The following ALDH9A1 variants were observed in gnomAD, a reference collection of about 807,000 sequenced individuals.
ALDH9A1 encodes the protein aldehyde dehydrogenase 9 family member A1.
In ALDH9A1, 42 loss-of-function variants were observed where a neutral mutation model predicts 56.6. The observed-to-expected ratio is 0.74, with a 90% CI of 0.58 to 0.96. The LOEUF is 0.96. Ranked by LOEUF, ALDH9A1 falls within the 40% of genes least tolerant of loss-of-function variation. ALDH9A1 has a pLI of 0.00. For synonymous variants in ALDH9A1, 242 were observed against 236.0 expected (o/e 1.03, Z -0.23); for missense variants, 661 against 651.5 (o/e 1.01, Z -0.16).
chr1:165,667,506 A>G, intron 8 of ALDH9A1, 56 bp from the exon 9 acceptor site: 1 of 1,582,134 alleles, frequency 6.3e-7, no homozygotes, highest in Non-Finnish European at 8.6e-7. Flanking sequence ...GTGCACCACC[A>G]CCCCCAGCTA....
rs572228228 is a variant in ALDH9A1, at chr1:165,693,292, G to C, written c.327+1960C>G. ...AGTGAACAGGCAACCTACAGAATGG[G>C]AGAAAATTTTTGTAATCTACCCATC... On this transcript the variant is annotated intron_variant, in intron 2 of 10. Coordinates refer to ENST00000354775, the MANE Select transcript of ALDH9A1 (RefSeq NM_000696.4). 1.4e-3 allele frequency among the ~76,000 whole-genome samples: 219 copies of C among 152,200 alleles called. 1 individual carries two copies. Among genetic ancestry groups the C allele is most frequent in the Non-Finnish European group, 8.7e-4 (59 of 67,994 alleles).
chr1:165,670,428 CT>C (rs79110777), intron 6 of ALDH9A1, among the ~76,000 whole-genome samples: 59,266 of 147,760 alleles, frequency 0.4, 11,772 homozygotes, highest in Middle Eastern at 0.5. Flanking sequence ...GAGAGCGAGA[CT>C]TTTTTTTTTT....
intron 2 of ALDH9A1, among the ~76,000 whole-genome samples, chr1:165,694,361 G>A (rs907775637): frequency 6.6e-6 from 1 of 152,086 alleles, no homozygotes; most frequent in Non-Finnish European, 1.5e-5. Context: ...TTAGGCCAGC[G>A]TGGTAACTAC....
rs941132769 is a variant in ALDH9A1 at position 165,680,834 on chromosome 1, G to A, written c.593-151C>T. 1.0e-4 allele frequency: 79 copies of A among 783,766 alleles called. 1 individual carries two copies. The highest frequency in any genetic ancestry group is 1.0e-4 in the Non-Finnish European group (50 of 502,356). The allele number at this position is 783,766 out of a possible 1,614,324, so 48.6% of individuals were successfully genotyped here. On this transcript the variant is annotated intron_variant, in intron 4 of 10. Coordinates refer to ENST00000354775, the MANE Select transcript of ALDH9A1 (RefSeq NM_000696.4). ...AAAAATGTTATTAATAACCATATTA[G>A]TTTGTTTTCATGCTGCTGATAAAGA...
rs1321371155 is a variant in ALDH9A1, at chr1:165,680,494, C to T, written c.782G>A (p.Gly261Asp). Residue 261 changes from glycine (G) to aspartate (D), a missense_variant, in exon 5 of 11, where the codon GGC becomes GAC. Transcript: ENST00000354775. ...TACTGGTTTTGTCCTCACCTTCATGCCAGTGGGCACACTTCCAGTGAAGGA... is the reference window on the plus strand; with the variant it reads ...TACTGGTTTTGTCCTCACCTTCATGTCAGTGGGCACACTTCCAGTGAAGGA... The part of the protein sequence containing the change: ...KVSFTGSVPT[G>D]MKIMEMSAKG... 1.2e-6 allele frequency: 2 copies of T among 1,613,974 alleles called. No individual in the cohort carries two copies. The highest frequency in any genetic ancestry group is 4.5e-5 in the East Asian group (2 of 44,876).
chr1:165,697,821 G>C (rs1384554082), intron 1 of ALDH9A1, among the ~76,000 whole-genome samples: 2 of 151,836 alleles, frequency 1.3e-5, no homozygotes, highest in African/African-American at 4.8e-5. Flanking sequence ...CTAAGCTCAG[G>C]AGTTCGAGAC....
intron 2 of ALDH9A1, among the ~76,000 whole-genome samples, chr1:165,687,312 A>G (rs1649742004): frequency 6.6e-6 from 1 of 151,988 alleles, no homozygotes; most frequent in African/African-American, 2.4e-5. Context: ...AAAACTAAAG[A>G]AATCATGGCC....
At chr1:165,669,478 T>C in intron 6 of ALDH9A1, 28 bp from the exon 7 acceptor site, 2 of 1,572,676 alleles carry the variant, frequency 1.3e-6, no homozygotes, top group Non-Finnish European at 1.7e-6. Flanking sequence ...GACATCAATT[T>C]CTATGTGTGT....
At position 165,683,768 on chromosome 1, in the gene ALDH9A1, T is replaced by C. The variant is rs566480734; in HGVS notation, c.328-658A>G. Among the ~76,000 whole-genome samples, 5 of 152,310 alleles carry C rather than the reference T, an allele frequency of 3.3e-5. No homozygotes were observed. The South Asian group carries it at 1.0e-3, about 32-fold the overall frequency. ...TCTAGTTCTGGGCTCCACAACTTAC[T>C]AAGGATAAAGAAATTCAATAGATGG... On this transcript the variant is annotated intron_variant, in intron 2 of 10. Transcript: ENST00000354775.
intron 9 of ALDH9A1, among the ~76,000 whole-genome samples, chr1:165,666,269 C>T (rs1649004144): frequency 6.6e-6 from 1 of 152,188 alleles, no homozygotes; most frequent in South Asian, 2.1e-4. Flanking sequence ...TGAAGAGCAA[C>T]AGTTAATGGG....
At chr1:165,673,856 A>G (rs1019894405) in intron 6 of ALDH9A1, among the ~76,000 whole-genome samples, 3 of 152,124 alleles carry the variant, frequency 2.0e-5, no homozygotes, top group Non-Finnish European at 4.4e-5. Flanking sequence ...CTTCATCTTA[A>G]GTAGGGGCTG....
intron 6 of ALDH9A1, among the ~76,000 whole-genome samples, chr1:165,677,069 A>C (rs922335453): frequency 4.6e-5 from 7 of 152,118 alleles, no homozygotes; most frequent in African/African-American, 1.2e-4. Flanking sequence ...CATAAAAAAA[A>C]GTTTACAAAA....
intron 6 of ALDH9A1, chr1:165,671,651 G>T: frequency 4.1e-6 from 2 of 488,832 alleles, no homozygotes; most frequent in Non-Finnish European, 4.0e-6. Context: ...TCACTGTTTG[G>T]CTCGATATTA....
chr1:165,696,036 G>T (rs778436196), intron 1 of ALDH9A1, among the ~76,000 whole-genome samples: 2 of 152,018 alleles, frequency 1.3e-5, no homozygotes, highest in African/African-American at 4.8e-5. Flanking sequence ...ATTTTTAGTA[G>T]AGACGGGATT....
rs1343036651 is a variant in ALDH9A1 at position 165,668,982 on chromosome 1, T to C, written c.1151A>G (p.Tyr384Cys). The change falls in exon 8 of 11, where the codon TAT (tyrosine) becomes TGT (cysteine). Residue 384 changes from tyrosine to cysteine, a missense_variant. Coordinates refer to ENST00000354775, the MANE Select transcript of ALDH9A1 (RefSeq NM_000696.4). The part of the protein sequence containing the change: ...GAKVLCGGDI[Y>C]VPEDPKLKDG... ...CTTTAATTTGGGATCTTCAGGTACATATATATCTCCACCACATAACACTTT... is the reference window on the plus strand; with the variant it reads ...CTTTAATTTGGGATCTTCAGGTACACATATATCTCCACCACATAACACTTT... 2 of 1,612,142 alleles carry C rather than the reference T, an allele frequency of 1.2e-6. No individual in the cohort carries two copies. Among genetic ancestry groups the C allele is most frequent in the South Asian group, 1.1e-5 (1 of 90,896 alleles).
chr1:165,691,278 C>A (rs909127570), intron 2 of ALDH9A1, among the ~76,000 whole-genome samples: 3 of 152,188 alleles, frequency 2.0e-5, no homozygotes, highest in African/African-American at 7.2e-5. Flanking sequence ...CAAACTCCAA[C>A]AGACCTGCAG....
rs143108035 is a variant in ALDH9A1 at position 165,695,197 on chromosome 1, C to T, written c.327+55G>A. On this transcript the variant is annotated intron_variant, in intron 2 of 10. Coordinates refer to ENST00000354775, the MANE Select transcript of ALDH9A1 (RefSeq NM_000696.4). Reference sequence around the variant, plus strand: ...CAACAAAGTCGAACTGCAAACATCACAAAGAAACCTCAGAGCAATGTCTGA... The same window carrying T: ...CAACAAAGTCGAACTGCAAACATCATAAAGAAACCTCAGAGCAATGTCTGA... 2.0e-6 allele frequency: 3 copies of T among 1,519,084 alleles called. No individual in the cohort carries two copies. The Admixed American group carries it at 7.0e-5, about 35-fold the overall frequency. The allele number at this position is 1,519,084 out of a possible 1,614,324, so 94.1% of individuals were successfully genotyped here.
intron 10 of ALDH9A1, among the ~76,000 whole-genome samples, chr1:165,663,927 TCATTCCACATAG>T (rs1648925293): frequency 6.6e-6 from 1 of 152,246 alleles, no homozygotes; most frequent in African/African-American, 2.4e-5. Flanking sequence ...TCTCGCTCTC[TCATTCCACATAG>T]CATGGTCTGG....
intron 2 of ALDH9A1, among the ~76,000 whole-genome samples, chr1:165,684,466 T>C (rs1649648525): frequency 6.6e-6 from 1 of 152,220 alleles, no homozygotes; most frequent in South Asian, 2.1e-4. Flanking sequence ...TTTCCCAGTA[T>C]GCTGACCCTA....
Sources: gnomAD v4.1 joint callset for allele counts (sites outside exome capture counted in the v4.1 genomes callset) on GRCh38, gnomAD v4.1.1 for gene constraint, MANE v1.5 for transcripts, NCBI Gene and HGNC (gene_info 2026-07-23, HGNC 2026-07-21) for gene names.